Variants in ASCC3 observed in about 807,000 individuals in gnomAD.
ASCC3 encodes ASC-1 complex subunit P200.
In ASCC3, 158 loss-of-function variants were observed where a neutral mutation model predicts 256.3. That is an observed-to-expected ratio of 0.62 (90% CI 0.54 to 0.70). ASCC3 has a LOEUF of 0.70. ASCC3 is among the 30% of genes least tolerant of loss of function. The probability of loss-of-function intolerance (pLI) is 0.00; values close to 1 mark genes in which losing one functional copy is unlikely to be tolerated. For missense variants in ASCC3, 2,259 were observed against 2,626.0 expected (o/e 0.86, Z 3.05); for synonymous variants, 948 against 883.4 (o/e 1.07, Z -1.30).
chr6:100,713,650 A>G (rs901028126), intron 13 of ASCC3, among the ~76,000 whole-genome samples: 3 of 152,186 alleles, frequency 2.0e-5, no homozygotes, highest in Admixed American at 6.5e-5. Flanking sequence ...GTGTGGGAGT[A>G]GGGAGCACAT....
At chr6:100,801,266 G>C (rs1769903233) in intron 5 of ASCC3, among the ~76,000 whole-genome samples, 1 of 152,088 alleles carries the variant, frequency 6.6e-6, no homozygotes, top group Non-Finnish European at 1.5e-5. Context: ...GAAACTAGAA[G>C]GAATGTAGTT....
At chr6:100,647,521 T>C in intron 20 of ASCC3, 70 bp from the exon 21 acceptor site, 1 of 1,365,990 alleles carries the variant, frequency 7.3e-7, no homozygotes, top group Non-Finnish European at 1.0e-6. Flanking sequence ...AAATCTATTA[T>C]TCAAACTCAG....
At chr6:100,840,224 T>C (rs1238723314) in intron 4 of ASCC3, among the ~76,000 whole-genome samples, 1 of 152,156 alleles carries the variant, frequency 6.6e-6, no homozygotes, top group Non-Finnish European at 1.5e-5. Context: ...CTGATCCAAA[T>C]AACTCTCCAC....
intron 38 of ASCC3, 25 bp from the exon 39 acceptor site, chr6:100,516,352 AAAT>A (rs1008959153): frequency 1.9e-6 from 3 of 1,613,052 alleles, no homozygotes; most frequent in African/African-American, 2.7e-5. Flanking sequence ...CAAACCAACC[AAAT>A]AATTGTTTCA....
chr6:100,755,878 T>A (rs1781153051), intron 10 of ASCC3, among the ~76,000 whole-genome samples: 1 of 152,094 alleles, frequency 6.6e-6, no homozygotes, highest in Non-Finnish European at 1.5e-5. Flanking sequence ...AAATTCAAAT[T>A]TACTTTGAAA....
rs9485298 is a variant in ASCC3 at position 100,681,859 on chromosome 6, T to C, written c.2152-2107A>G. On this transcript the variant is annotated intron_variant, in intron 13 of 41. Coordinates refer to ENST00000369162, the MANE Select transcript of ASCC3 (RefSeq NM_006828.4). ...CAACTAAAGAAAACAAATCTTTTGA[T>C]TTTTGATAGGCTCTCTAGCTTTCAT... is the stretch of plus-strand genomic sequence containing the variant. Among the ~76,000 whole-genome samples, 842 of 152,248 alleles carry C rather than the reference T, an allele frequency of 5.5e-3. 11 individuals carry two copies. The highest frequency in any genetic ancestry group is 0.02 in the African/African-American group (815 of 41,544).
In ASCC3 at chr6:100,868,000, A is replaced by G. The variant is rs369089678; in HGVS notation, c.-3T>C. The G allele has an allele frequency of 6.2e-7, 1 of 1,608,784 alleles. No homozygotes were observed. The highest frequency in any genetic ancestry group is 1.1e-5 in the South Asian group (1 of 90,898). On this transcript the variant is annotated 5_prime_UTR_variant, in exon 2 of 42. Transcript: ENST00000369162. ...CCTGTGAGACGAGGTAAAGCCATCT[A>G]TTATTCAATCAGTGATCCATACAGC...
At chr6:100,669,325 CTATATATATA>C (rs535657018) in intron 14 of ASCC3, among the ~76,000 whole-genome samples, 1 of 148,822 alleles carries the variant, frequency 6.7e-6, no homozygotes, top group Non-Finnish European at 1.5e-5. Context: ...CATATATACA[CTATATATATA>C]TACACAGACA....
At chr6:100,578,424 A>T (rs1417606886) in intron 36 of ASCC3, among the ~76,000 whole-genome samples, 1 of 151,874 alleles carries the variant, frequency 6.6e-6, no homozygotes, top group East Asian at 1.9e-4. Context: ...CTCCCAGCCT[A>T]CACATTCAAG....
chr6:100,546,240 A>G (rs1285392950), intron 36 of ASCC3, among the ~76,000 whole-genome samples: 1 of 152,182 alleles, frequency 6.6e-6, no homozygotes. Flanking sequence ...CACTGCTAGG[A>G]AAAAATAAAG....
Position 100,662,548 on chromosome 6 carries a change from G to A in ASCC3, c.2287-12C>T. ...CTCGACCTTTGTACCTAGATACCAAGAAAGCGTAAGAGTATTATTTAGCAT... is the reference window on the plus strand; with the variant it reads ...CTCGACCTTTGTACCTAGATACCAAAAAAGCGTAAGAGTATTATTTAGCAT... On this transcript the variant is annotated splice_polypyrimidine_tract_variant and intron_variant, in intron 14 of 41. Coordinates refer to ENST00000369162, the MANE Select transcript of ASCC3 (RefSeq NM_006828.4). 6.2e-7 allele frequency: 1 copy of A among 1,611,408 alleles called. No individual in the cohort carries two copies. Among genetic ancestry groups the A allele is most frequent in the East Asian group, 2.2e-5 (1 of 44,798 alleles).
At chr6:100,815,836 A>G (rs773226358) in intron 4 of ASCC3, among the ~76,000 whole-genome samples, 1 of 152,154 alleles carries the variant, frequency 6.6e-6, no homozygotes, top group Non-Finnish European at 1.5e-5. Flanking sequence ...CAACCTAGAC[A>G]ATACTATTCT....
chr6:100,848,852 T>C, intron 3 of ASCC3, 145 bp from the exon 4 acceptor site: 3 of 790,110 alleles, frequency 3.8e-6, no homozygotes, highest in Middle Eastern at 5.6e-4. Flanking sequence ...CTCCATATAA[T>C]CCCCACACTC....
At chr6:100,585,086 T>C (rs1304143773) in intron 36 of ASCC3, among the ~76,000 whole-genome samples, 1 of 152,188 alleles carries the variant, frequency 6.6e-6, no homozygotes, top group African/African-American at 2.4e-5. Flanking sequence ...AGGAGTATCT[T>C]TGTGGTGTTC....
intron 29 of ASCC3, among the ~76,000 whole-genome samples, chr6:100,626,475 T>C (rs1774241267): frequency 6.6e-6 from 1 of 152,050 alleles, no homozygotes; most frequent in South Asian, 2.1e-4. Flanking sequence ...GTATAATAAA[T>C]AGTACATAAG....
intron 13 of ASCC3, among the ~76,000 whole-genome samples, chr6:100,706,921 A>G (rs1778613858): frequency 1.3e-5 from 2 of 152,072 alleles, no homozygotes; most frequent in Non-Finnish European, 2.9e-5. Context: ...TTAATGTAAA[A>G]GACCATTGCC....
At chr6:100,654,104 G>C (rs1008095629) in intron 17 of ASCC3, among the ~76,000 whole-genome samples, 1 of 152,030 alleles carries the variant, frequency 6.6e-6, no homozygotes, top group East Asian at 1.9e-4. Context: ...GGAGTCAAGA[G>C]TTACATCAGC....
chr6:100,768,312 A>C (rs974074069), intron 8 of ASCC3, among the ~76,000 whole-genome samples: 2 of 152,146 alleles, frequency 1.3e-5, no homozygotes, highest in African/African-American at 4.8e-5. Context: ...ACTAAGACAC[A>C]GAGCGGTTAA....
intron 6 of ASCC3, 85 bp from the exon 7 acceptor site, chr6:100,799,657 T>C (rs1404216252): frequency 6.5e-6 from 9 of 1,391,854 alleles, no homozygotes; most frequent in Non-Finnish European, 8.9e-6. Flanking sequence ...ATAAAAGATA[T>C]TGGGAGCTAG....
Sources: allele counts gnomAD v4.1 joint callset (sites outside exome capture counted in the v4.1 genomes callset), GRCh38; gene constraint gnomAD v4.1.1; transcripts MANE v1.5; gene names NCBI Gene and HGNC (gene_info 2026-07-23, HGNC 2026-07-21).